The following ZNF532 variants were observed in gnomAD, a reference collection of about 807,000 sequenced individuals.
The protein encoded by ZNF532 is zinc finger protein 532.
ZNF532 carries 22 observed loss-of-function variants against 89.3 expected under a neutral mutation model. The ratio of observed to expected loss-of-function variants is 0.25; its 90% CI spans 0.18 to 0.35. The LOEUF is 0.35. Among genes scored for constraint, ZNF532 ranks in the 10% least tolerant of loss-of-function variants. ZNF532 has a pLI of 1.00. For missense variants in ZNF532, 1,132 were observed against 1,643.4 expected, an observed-to-expected ratio of 0.69 and a Z score of 5.38; for synonymous variants, 606 against 649.6, an observed-to-expected ratio of 0.93 and a Z score of 1.02.
chr18:58,863,190 GA>G, upstream of ZNF532: 1 of 152,332 alleles, frequency 6.6e-6, no homozygotes, highest in Non-Finnish European at 1.5e-5. Context: ...TGGGGCCACG[GA>G]AAGGACTGGG....
At chr18:58,912,152 T>A (rs11872224) in intron 2 of ZNF532, among the ~76,000 whole-genome samples, 72,008 of 152,020 alleles carry the variant, frequency 0.47, 18,098 homozygotes, top group African/African-American at 0.63. Flanking sequence ...GGCATTAGTA[T>A]GTGACTCCTG....
intron 3 of ZNF532, among the ~76,000 whole-genome samples, chr18:58,920,921 A>G (rs1255887649): frequency 6.6e-6 from 1 of 151,772 alleles, no homozygotes; most frequent in African/African-American, 2.4e-5. Flanking sequence ...CAGGAGTGGT[A>G]GTGGCAGTGG....
intron 4 of ZNF532, 79 bp downstream of exon 4, chr18:58,934,693 C>G (rs2062228048): frequency 7.0e-7 from 1 of 1,418,956 alleles, no homozygotes; most frequent in Non-Finnish European, 9.7e-7. Flanking sequence ...TTTGCACACA[C>G]AGTTTTCTGG....
chr18:58,957,885 C>T (rs8086043), intron 7 of ZNF532, among the ~76,000 whole-genome samples: 145 of 152,048 alleles, frequency 9.5e-4, no homozygotes, highest in Non-Finnish European at 1.7e-3. Context: ...GCCAACATGA[C>T]GAAACCCCAT....
At chr18:58,953,869 G>A (rs895622419) in intron 7 of ZNF532, 70 bp downstream of exon 7, 43 of 1,528,032 alleles carry the variant, frequency 2.8e-5, no homozygotes, top group Non-Finnish European at 3.7e-5. Flanking sequence ...CTTCCAAGAT[G>A]TGGGCTCTTG....
intron 7 of ZNF532, among the ~76,000 whole-genome samples, chr18:58,964,595 T>C (rs974530719): frequency 8.6e-4 from 125 of 144,712 alleles, no homozygotes; most frequent in African/African-American, 3.1e-3. Context: ...ACAGTTTTTC[T>C]TTTTTTTTTT....
rs1568323981 is a variant in ZNF532 at position 58,919,980 on chromosome 18, A to C, written c.1693A>C (p.Lys565Gln). The change falls in exon 3 of 10, where the codon AAA becomes CAA. Residue 565 changes from lysine (K) to glutamine (Q), a missense_variant. Coordinates refer to ENST00000591808, the MANE Select transcript of ZNF532 (RefSeq NM_001375912.1). This position sits in a 1 kb window ranked among gnomAD's most constrained non-coding sequence, Gnocchi z 6.1. ...CAATGCAGCAGCCTCGCAACCCCCC[A>C]AAAAGGTGTCTCGAGTCCAGGTGGT... ...IINAAASQPP[K>Q]KVSRVQVVSS... The C allele has an allele frequency of 1.9e-6, 3 of 1,613,696 alleles. No individual in the cohort carries two copies. Among genetic ancestry groups the C allele is most frequent in the Non-Finnish European group, 2.5e-6 (3 of 1,179,744 alleles).
chr18:58,960,795 T>C (rs2065272052), intron 7 of ZNF532, among the ~76,000 whole-genome samples: 1 of 152,160 alleles, frequency 6.6e-6, no homozygotes, highest in Admixed American at 6.5e-5. Flanking sequence ...AAAGCTTCCA[T>C]CTTGGATCAG....
chr18:58,864,342 C>T (rs2056246854), upstream of ZNF532: 1 of 151,362 alleles, frequency 6.6e-6, no homozygotes, highest in Admixed American at 6.6e-5. Context: ...GTGGGGGTGA[C>T]AGCAGAGAGG....
At chr18:58,923,295 C>T (rs555545842) in intron 3 of ZNF532, among the ~76,000 whole-genome samples, 1 of 151,434 alleles carries the variant, frequency 6.6e-6, no homozygotes, top group African/African-American at 2.4e-5. Flanking sequence ...GCACGCTCTC[C>T]TCCTGTTCCT....
At chr18:58,933,026 G>A (rs1028421991) in intron 3 of ZNF532, among the ~76,000 whole-genome samples, 3 of 152,172 alleles carry the variant, frequency 2.0e-5, no homozygotes, top group Non-Finnish European at 2.9e-5. Context: ...GCCTGGGACT[G>A]TGTGAAGGTA....
intron 2 of ZNF532, among the ~76,000 whole-genome samples, chr18:58,879,222 C>G (rs566692716): frequency 2.0e-5 from 3 of 152,130 alleles, no homozygotes; most frequent in Non-Finnish European, 4.4e-5. Flanking sequence ...CTGGCCAAGG[C>G]GTTCCTCATT....
At chr18:58,905,113 A>G (rs991714474) in intron 2 of ZNF532, among the ~76,000 whole-genome samples, 5 of 152,122 alleles carry the variant, frequency 3.3e-5, no homozygotes, top group African/African-American at 1.2e-4. Context: ...AAGTGCTGGG[A>G]CTACAGGTGT....
At chr18:58,981,346 T>TGAAG in intron 8 of ZNF532, 124 bp from the exon 9 acceptor site, 1 of 1,276,744 alleles carries the variant, frequency 7.8e-7, no homozygotes, top group Non-Finnish European at 1.1e-6. Context: ...AACCATGGTG[T>TGAAG]GAACTCAGCT....
intron 2 of ZNF532, among the ~76,000 whole-genome samples, chr18:58,907,333 G>C (rs891470648): frequency 1.3e-5 from 2 of 151,994 alleles, no homozygotes; most frequent in Non-Finnish European, 2.9e-5. Flanking sequence ...TTACAGACGC[G>C]TGCCACCACG....
intron 7 of ZNF532, among the ~76,000 whole-genome samples, chr18:58,978,436 G>A (rs901639888): frequency 6.6e-6 from 1 of 152,104 alleles, no homozygotes; most frequent in Non-Finnish European, 1.5e-5. Context: ...ATTTACTGAT[G>A]TATGGTTTCA....
At chr18:58,899,124 G>T (rs557680165) in intron 2 of ZNF532, among the ~76,000 whole-genome samples, 1 of 152,358 alleles carries the variant, frequency 6.6e-6, no homozygotes, top group East Asian at 1.9e-4. Context: ...GACACAGCGA[G>T]TCCGTGTGAT....
chr18:58,885,142 C>T (rs981140722), intron 2 of ZNF532, among the ~76,000 whole-genome samples: 4 of 152,052 alleles, frequency 2.6e-5, no homozygotes, highest in African/African-American at 7.2e-5. Context: ...GCATGTGCCA[C>T]CACGCCTGGC....
chr18:58,964,736 A>G (rs2065749483), intron 7 of ZNF532, among the ~76,000 whole-genome samples: 1 of 151,616 alleles, frequency 6.6e-6, no homozygotes, highest in Non-Finnish European at 1.5e-5. Flanking sequence ...ACAGGTGAAC[A>G]CCACCATGCC....
Sources: allele counts gnomAD v4.1 joint callset (sites outside exome capture counted in the v4.1 genomes callset), GRCh38; gene constraint gnomAD v4.1.1; non-coding constraint Gnocchi (gnomAD v3.1); transcripts MANE v1.5; gene names NCBI Gene and HGNC (gene_info 2026-07-23, HGNC 2026-07-21).